SSTR3: variants seen among roughly 807,000 people sequenced by gnomAD.
SSTR3 encodes somatostatin receptor 3, also known as somatostatin receptor type 3.
For synonymous variants in SSTR3, 281 were observed against 269.2 expected (o/e 1.04, Z -0.43); for missense variants, 504 against 604.7 (o/e 0.83, Z 1.75).
chr22:37,207,028 A>T lies in SSTR3; in HGVS notation c.776T>A (p.Val259Glu). The change falls in exon 2 of 2, where the codon GTG becomes GAG. Residue 259 changes from valine (V) to glutamate (E), a missense_variant. Physicochemically the swap from Val to Glu is moderately radical, Grantham distance 121. Transcript: ENST00000610913. ...CACGAAGAGCGCCACCACGGCCACC[A>T]CCATGCGCGTGACCCTGCGTTCGGA... is the stretch of plus-strand genomic sequence containing the variant. ...RRSERRVTRM[V>E]VAVVALFVLC... 6.2e-7 allele frequency: 1 copy of T among 1,612,938 alleles called. No homozygotes were observed. The highest frequency in any genetic ancestry group is 8.5e-7 in the Non-Finnish European group (1 of 1,179,952).
rs1215239873 is a variant in SSTR3, at chr22:37,205,042, TC to T, written c.*1504del. 6.6e-6 allele frequency: 1 copy of T among 152,442 alleles called. No homozygotes were observed. The highest frequency in any genetic ancestry group is 1.5e-5 in the Non-Finnish European group (1 of 68,326). The allele number at this position is 152,442 out of a possible 1,614,324, so 9.4% of individuals were successfully genotyped here. A position where few individuals can be genotyped will look rare whatever the true frequency, so the allele number is the denominator to read the frequency against. On this transcript the variant is annotated 3_prime_UTR_variant, in exon 2 of 2. Transcript: ENST00000610913. The stretch of plus-strand genomic sequence containing the variant: ...CTTGGATGGTGGCTGCTCCCCATGG[TC>T]CCCCTCCACAGTCCCACTTCAGCCT...
In SSTR3 at chr22:37,211,890, C is replaced by T. The variant is rs1477107763; in HGVS notation, c.-102G>A. ...GGTTATCATTCTGCTGTCCCCTCTC[C>T]CTGCCCAGTCCCCAGGTGCCCCCAG... is the stretch of plus-strand genomic sequence containing the variant. On this transcript the variant is annotated 5_prime_UTR_variant, in exon 1 of 2. Coordinates refer to ENST00000610913, the MANE Select transcript of SSTR3 (RefSeq NM_001051.5). 11 of 985,680 alleles carry T rather than the reference C, an allele frequency of 1.1e-5. No individual in the cohort carries two copies. Among genetic ancestry groups the T allele is most frequent in the Non-Finnish European group, 1.3e-5 (11 of 830,204 alleles). 61.1% of individuals were successfully genotyped at this position (985,680 alleles called of 1,614,324 possible). A position where few individuals can be genotyped will look rare whatever the true frequency, so the allele number is the denominator to read the frequency against.
rs1286801195 is a variant in SSTR3 at position 37,211,835 on chromosome 22, G to A, written c.-47C>T. On this transcript the variant is annotated 5_prime_UTR_variant, in exon 1 of 2. Transcript: ENST00000610913. ...CCCCAGCCTCCTTACCTGCCCATGG[G>A]GTGAGGGCTTCCCTCCTTGCCGCCA... 1 of 985,772 alleles carries A rather than the reference G, an allele frequency of 1.0e-6. No homozygotes were observed. Among genetic ancestry groups the A allele is most frequent in the Non-Finnish European group, 1.2e-6 (1 of 830,208 alleles). The allele number at this position is 985,772 out of a possible 1,614,324, so 61.1% of individuals were successfully genotyped here. A position where few individuals can be genotyped will look rare whatever the true frequency, so the allele number is the denominator to read the frequency against.
At chr22:37,211,675 C>T (rs920537033) in intron 1 of SSTR3, 150 bp downstream of exon 1, 5 of 799,642 alleles carry the variant, frequency 6.3e-6, no homozygotes, top group South Asian at 5.6e-5. Flanking sequence ...TGCAGCCGAC[C>T]GGGAGGTCAC....
At chr22:37,209,964 C>T (rs992082885) in intron 1 of SSTR3, among the ~76,000 whole-genome samples, 2 of 152,228 alleles carry the variant, frequency 1.3e-5, no homozygotes, top group African/African-American at 4.8e-5. Context: ...ATTTTAGACT[C>T]AGTATCCTTG....
chr22:37,207,964 A>C, intron 1 of SSTR3, 125 bp from the exon 2 acceptor site: 2 of 1,341,736 alleles, frequency 1.5e-6, no homozygotes, highest in East Asian at 2.8e-5. Context: ...AGATTTCAGA[A>C]GATGGGAGGT....
intron 1 of SSTR3, among the ~76,000 whole-genome samples, chr22:37,208,241 C>A (rs932797008): frequency 6.6e-6 from 1 of 152,222 alleles, no homozygotes; most frequent in Non-Finnish European, 1.5e-5. Flanking sequence ...ATCTGAAAAA[C>A]ACTGCTTCAT....
chr22:37,212,190 G>A lies in SSTR3; in HGVS notation c.-402C>T. The A allele has an allele frequency of 5.1e-6, 5 of 982,196 alleles. No homozygotes were observed. Among genetic ancestry groups the A allele is most frequent in the Non-Finnish European group, 4.8e-6 (4 of 827,574 alleles). 60.8% of individuals were successfully genotyped at this position (982,196 alleles called of 1,614,324 possible). A position where few individuals can be genotyped will look rare whatever the true frequency, so the allele number is the denominator to read the frequency against. On this transcript the variant is annotated 5_prime_UTR_variant, in exon 1 of 2. Coordinates refer to ENST00000610913, the MANE Select transcript of SSTR3 (RefSeq NM_001051.5). ...GCCAATAGAAATAGAGGGGAAAGGG[G>A]GTCGGGAGGAGGTGGAGAAAGAGAG...
chr22:37,212,179 A>G lies in SSTR3; in HGVS notation c.-391T>C. The stretch of plus-strand genomic sequence containing the variant: ...GGGACACAGAAGCCAATAGAAATAG[A>G]GGGGAAAGGGGGTCGGGAGGAGGTG... On this transcript the variant is annotated 5_prime_UTR_variant, in exon 1 of 2. Coordinates refer to ENST00000610913, the MANE Select transcript of SSTR3 (RefSeq NM_001051.5). 13 of 980,422 alleles carry G rather than the reference A, an allele frequency of 1.3e-5. No homozygotes were observed. The highest frequency in any genetic ancestry group is 1.3e-5 in the Non-Finnish European group (11 of 827,294). The allele number at this position is 980,422 out of a possible 1,614,324, so 60.7% of individuals were successfully genotyped here. A position where few individuals can be genotyped will look rare whatever the true frequency, so the allele number is the denominator to read the frequency against.
At chr22:37,208,539 G>A (rs229570) in intron 1 of SSTR3, among the ~76,000 whole-genome samples, 8,926 of 152,284 alleles carry the variant, frequency 0.059, 879 homozygotes, top group African/African-American at 0.2. Context: ...CCCAGAGGCC[G>A]GCTGGGGTTG....
At chr22:37,214,931 C>T (rs935352291), upstream of SSTR3, among the ~76,000 whole-genome samples, 1 of 152,210 alleles carries the variant, frequency 6.6e-6, no homozygotes, top group Non-Finnish European at 1.5e-5. Context: ...CAGGCCACTC[C>T]GGGTCCCCCT....
the SSTR3 span, among the ~76,000 whole-genome samples, chr22:37,219,197 C>T: frequency 4.1e-4 from 63 of 152,302 alleles, 1 homozygote; most frequent in African/African-American, 1.4e-3. Context: ...TCTACCCTAG[C>T]GCCTTGAGAC....
chr22:37,207,996 TC>T (rs1471703221), intron 1 of SSTR3, among the ~76,000 whole-genome samples, 157 bp from the exon 2 acceptor site: 3 of 152,178 alleles, frequency 2.0e-5, no homozygotes, highest in Non-Finnish European at 4.4e-5. Context: ...ACCATCTCAT[TC>T]ACCCCGCACA....
In SSTR3 at chr22:37,207,323, G is replaced by A. The variant is rs779911144; in HGVS notation, c.481C>T (p.Arg161Cys). 2.3e-5 allele frequency: 36 copies of A among 1,597,488 alleles called. No individual in the cohort carries two copies. The highest frequency in any genetic ancestry group is 4.5e-5 in the South Asian group (4 of 88,392). ...SARWRTAPVARTVSAAVWVAS... is the reference protein window; with the variant it reads ...SARWRTAPVACTVSAAVWVAS... The stretch of plus-strand genomic sequence containing the variant: ...ACCCACACAGCCGCGCTGACCGTGC[G>A]GGCCACCGGAGCTGTGCGCCAGCGG... The change falls in exon 2 of 2, where the codon CGC becomes TGC. Residue 161 changes from arginine to cysteine, a missense_variant. Coordinates refer to ENST00000610913, the MANE Select transcript of SSTR3 (RefSeq NM_001051.5).
intron 1 of SSTR3, among the ~76,000 whole-genome samples, chr22:37,208,431 C>T (rs893633548): frequency 4.6e-5 from 7 of 151,918 alleles, no homozygotes; most frequent in Non-Finnish European, 8.8e-5. Context: ...TCCTTAGGTG[C>T]CCCCTCAGCC....
chr22:37,218,608 A>T, the SSTR3 span, among the ~76,000 whole-genome samples: 2 of 152,074 alleles, frequency 1.3e-5, no homozygotes, highest in Admixed American at 1.3e-4. Flanking sequence ...GGTAGGAGTG[A>T]TGGGTAGGGA....
intron 1 of SSTR3, among the ~76,000 whole-genome samples, chr22:37,209,487 A>G (rs1031239524): frequency 1.3e-5 from 2 of 152,190 alleles, no homozygotes; most frequent in Admixed American, 6.5e-5. Context: ...ACCCTTCATC[A>G]GGTCTCCTGA....
chr22:37,216,203 C>G (rs1225547925), upstream of SSTR3, among the ~76,000 whole-genome samples: 2 of 150,148 alleles, frequency 1.3e-5, no homozygotes, highest in African/African-American at 2.5e-5. Flanking sequence ...CCCACCCCCC[C>G]ATCCCACAGG....
Position 37,211,890 on chromosome 22 carries a change from C to A in SSTR3, c.-102G>T. 1.0e-6 allele frequency: 1 copy of A among 985,798 alleles called. No individual in the cohort carries two copies. The highest frequency in any genetic ancestry group is 1.2e-6 in the Non-Finnish European group (1 of 830,196). 61.1% of individuals were successfully genotyped at this position (985,798 alleles called of 1,614,324 possible). A position where few individuals can be genotyped will look rare whatever the true frequency, so the allele number is the denominator to read the frequency against. Reference sequence around the variant, plus strand: ...GGTTATCATTCTGCTGTCCCCTCTCCCTGCCCAGTCCCCAGGTGCCCCCAG... The same window carrying A: ...GGTTATCATTCTGCTGTCCCCTCTCACTGCCCAGTCCCCAGGTGCCCCCAG... On this transcript the variant is annotated 5_prime_UTR_variant, in exon 1 of 2. Coordinates refer to ENST00000610913, the MANE Select transcript of SSTR3 (RefSeq NM_001051.5).
Sources: gnomAD v4.1 joint callset for allele counts (sites outside exome capture counted in the v4.1 genomes callset) on GRCh38, gnomAD v4.1.1 for gene constraint, MANE v1.5 for transcripts, NCBI Gene and HGNC (gene_info 2026-07-23, HGNC 2026-07-21) for gene names.